The following PCM1 variants were observed in gnomAD, a reference collection of about 807,000 sequenced individuals.
PCM1 encodes pericentriolar material 1.
Under a neutral mutation model 241.9 loss-of-function variants are expected in PCM1, and 157 were observed. The observed-to-expected ratio is 0.65, with a 90% CI of 0.57 to 0.74. The LOEUF is 0.74. PCM1 is among the 30% of genes least tolerant of loss of function. PCM1 has a pLI of 0.00. For missense variants in PCM1, 3,478 were observed against 2,360.1 expected, an observed-to-expected ratio of 1.47 and a Z score of -9.81; for synonymous variants, 1,085 against 784.9, an observed-to-expected ratio of 1.38 and a Z score of -6.39.
At chr8:18,010,358 A>G (rs2092300867) in intron 31 of PCM1, among the ~76,000 whole-genome samples, 2 of 152,208 alleles carry the variant, frequency 1.3e-5, no homozygotes, top group South Asian at 4.1e-4. Context: ...CTTAGAATCT[A>G]AAGTAGACGA....
intron 30 of PCM1, 88 bp from the exon 31 acceptor site, chr8:18,009,459 G>A: frequency 2.5e-6 from 2 of 806,148 alleles, no homozygotes; most frequent in Non-Finnish European, 4.0e-6. Context: ...ATAAACATTA[G>A]TTTTAAGTTT....
At chr8:17,940,114 A>G in intron 6 of PCM1, 1 of 1,570,358 alleles carries the variant, frequency 6.4e-7, no homozygotes. Flanking sequence ...AGCTGAGAGC[A>G]CATCGCTAAA....
At position 17,990,064 on chromosome 8, in the gene PCM1, C is replaced by T. The variant is rs755470463; in HGVS notation, c.4531+85C>T. The stretch of plus-strand genomic sequence containing the variant: ...AATTGGCGTTGATAAGGAAACAAGT[C>T]TAGAAAGGCGAAGTGTGTGTGGTTG... On this transcript the variant is annotated intron_variant, in intron 27 of 38. Coordinates refer to ENST00000325083, the MANE Select transcript of PCM1 (RefSeq NM_006197.4). 4 of 1,116,140 alleles carry T rather than the reference C, an allele frequency of 3.6e-6. No individual in the cohort carries two copies. The South Asian group carries it at 5.9e-5, about 17-fold the overall frequency. The allele number at this position is 1,116,140 out of a possible 1,614,324, so 69.1% of individuals were successfully genotyped here.
rs11333913 is a variant in PCM1, at chr8:18,029,156, CAAAAAAAAAAAAAA to C, written c.*1507_*1520del. On this transcript the variant is annotated 3_prime_UTR_variant, in exon 39 of 39. Transcript: ENST00000325083. ...CTGGCAACAGAGCGAGACTCTGTCT[CAAAAAAAAAAAAAA>C]AAAAAAAAAAAAGTTAACTTGCTGT... The C allele has an allele frequency of 7.1e-5, 4 of 56,394 alleles. No homozygotes were observed. The highest frequency in any genetic ancestry group is 2.2e-4 in the African/African-American group (3 of 13,564). The allele number at this position is 56,394 out of a possible 1,614,324, so 3.5% of individuals were successfully genotyped here.
intron 27 of PCM1, among the ~76,000 whole-genome samples, chr8:17,990,227 T>A (rs543595050): frequency 6.6e-6 from 1 of 152,206 alleles, no homozygotes; most frequent in East Asian, 1.9e-4. Flanking sequence ...GCTATGTTCT[T>A]GTGAAAATAT....
intron 6 of PCM1, among the ~76,000 whole-genome samples, chr8:17,942,123 A>G (rs985076378): frequency 7.2e-5 from 11 of 152,296 alleles, no homozygotes; most frequent in Non-Finnish European, 1.2e-4. Context: ...AGTATAATTT[A>G]TAACACGTTC....
intron 38 of PCM1, among the ~76,000 whole-genome samples, chr8:18,026,953 T>C (rs1200314817): frequency 6.6e-6 from 1 of 152,216 alleles, no homozygotes; most frequent in African/African-American, 2.4e-5. Flanking sequence ...TATATAAATA[T>C]CATTCATTGT....
At chr8:17,968,121 G>T (rs921191018) in intron 21 of PCM1, among the ~76,000 whole-genome samples, 28 of 151,606 alleles carry the variant, frequency 1.8e-4, no homozygotes, top group African/African-American at 6.6e-4. Flanking sequence ...AGAGAGATTA[G>T]AAATGAAAGG....
Position 18,006,389 on chromosome 8 carries a change from A to G in PCM1, c.4954A>G (p.Ile1652Val), listed in dbSNP as rs2091313715. ...GTTCTTTCATAAACAACTTGGAAGT[A>G]TATTACAGGTAAGAGTTTATACTTG... Reference protein sequence around the residue: ...VKFFHKQLGSILQDSLAKFAG... With the variant: ...VKFFHKQLGSVLQDSLAKFAG... Residue 1652 changes from isoleucine (I) to valine (V), a missense_variant, in exon 30 of 39, where the codon ATA becomes GTA. By Grantham distance (29) the Ile-to-Val change is conservative. Transcript: ENST00000325083. The G allele has an allele frequency of 2.5e-6, 4 of 1,608,662 alleles. No individual in the cohort carries two copies. The highest frequency in any genetic ancestry group is 3.4e-6 in the Non-Finnish European group (4 of 1,175,326).
At chr8:17,935,043 G>GC in intron 2 of PCM1, among the ~76,000 whole-genome samples, 1 of 151,696 alleles carries the variant, frequency 6.6e-6, no homozygotes, top group African/African-American at 2.4e-5. Context: ...GGATGTTTTG[G>GC]CCCTAGTCCT....
At chr8:17,996,802 G>C (rs1332588755) in intron 29 of PCM1, among the ~76,000 whole-genome samples, 6 of 152,116 alleles carry the variant, frequency 3.9e-5, no homozygotes, top group Non-Finnish European at 7.4e-5. Context: ...GAAAACTTAT[G>C]CAAATGTTAA....
Position 17,991,678 on chromosome 8 carries a change from T to A in PCM1, c.4668T>A (p.Gly1556=). The part of the protein sequence containing the change: ...IIEDGDGAGA[G]TTVNNLEETP... ...AGGATGGAGATGGTGCTGGTGCAGG[T>A]ACTACAGTTAATAATTTAGAAGGTA... The change falls in exon 28 of 39, where the codon GGT becomes GGA. Residue 1556 remains glycine, a synonymous_variant. Coordinates refer to ENST00000325083, the MANE Select transcript of PCM1 (RefSeq NM_006197.4). 1 of 1,553,280 alleles carries A rather than the reference T, an allele frequency of 6.4e-7. No individual in the cohort carries two copies. The highest frequency in any genetic ancestry group is 8.7e-7 in the Non-Finnish European group (1 of 1,148,224).
intron 29 of PCM1, among the ~76,000 whole-genome samples, chr8:17,997,717 T>A (rs992174029): frequency 2.6e-5 from 4 of 151,998 alleles, no homozygotes; most frequent in Non-Finnish European, 5.9e-5. Context: ...ATTAAATTTA[T>A]CTATGAATAT....
chr8:17,956,532 A>T (rs751324783), intron 10 of PCM1, 72 bp from the exon 11 acceptor site: 2 of 912,674 alleles, frequency 2.2e-6, no homozygotes, highest in East Asian at 5.2e-5. Context: ...AGCTGCTATG[A>T]TATGAAAATA....
chr8:18,012,988 T>C (rs549607527), intron 34 of PCM1, among the ~76,000 whole-genome samples: 12 of 152,348 alleles, frequency 7.9e-5, no homozygotes, highest in African/African-American at 2.9e-4. Flanking sequence ...GTTCTTTATA[T>C]TGAACAGTGA....
intron 29 of PCM1, among the ~76,000 whole-genome samples, chr8:18,002,944 C>T (rs960789074): frequency 6.6e-6 from 1 of 152,174 alleles, no homozygotes; most frequent in African/African-American, 2.4e-5. Flanking sequence ...GAGTTGTTAG[C>T]ACTTCTGAGG....
intron 38 of PCM1, among the ~76,000 whole-genome samples, chr8:18,027,425 G>C (rs1180580297): frequency 3.9e-5 from 6 of 152,144 alleles, no homozygotes; most frequent in Non-Finnish European, 8.8e-5. Flanking sequence ...AGAGAGACAC[G>C]AAGTATCTGC....
In PCM1 at chr8:17,947,184, A is replaced by T; in HGVS notation, c.784-2A>T. 6.4e-7 allele frequency: 1 copy of T among 1,567,228 alleles called. No homozygotes were observed. Among genetic ancestry groups the T allele is most frequent in the Non-Finnish European group, 8.7e-7 (1 of 1,154,250 alleles). ...ACAAGTATTGTTGGTCTTATTTTCC[A>T]GGCCAGAGATCCTCAGCAGGAGCCT... On this transcript the variant is annotated splice_acceptor_variant, in intron 6 of 38. Coordinates refer to ENST00000325083, the MANE Select transcript of PCM1 (RefSeq NM_006197.4). LOFTEE classifies it high-confidence loss of function.
At chr8:18,004,599 A>AT (rs1333284665) in intron 29 of PCM1, among the ~76,000 whole-genome samples, 1 of 152,174 alleles carries the variant, frequency 6.6e-6, no homozygotes, top group East Asian at 1.9e-4. Context: ...GATTTTAATT[A>AT]TTTATGATGT....
Sources: gnomAD v4.1 joint callset for allele counts (sites outside exome capture counted in the v4.1 genomes callset) on GRCh38, gnomAD v4.1.1 for gene constraint, MANE v1.5 for transcripts, NCBI Gene and HGNC (gene_info 2026-07-23, HGNC 2026-07-21) for gene names.